USP34: variants seen among roughly 807,000 people sequenced by gnomAD.
USP34 encodes ubiquitin carboxyl-terminal hydrolase 34.
Under a neutral mutation model 460.3 loss-of-function variants are expected in USP34, and 70 were observed. The observed-to-expected ratio is 0.15, with a 90% CI of 0.13 to 0.19. The LOEUF is 0.19. USP34 is among the 10% of genes least tolerant of loss of function. USP34 has a pLI of 1.00. For synonymous variants in USP34, 1,647 were observed against 1,405.3 expected, an observed-to-expected ratio of 1.17 and a Z score of -3.85; for missense variants, 3,985 against 4,236.2, an observed-to-expected ratio of 0.94 and a Z score of 1.65.
At chr2:61,464,477 A>G (rs1450856695) in intron 1 of USP34, among the ~76,000 whole-genome samples, 1 of 152,242 alleles carries the variant, frequency 6.6e-6, no homozygotes, top group Non-Finnish European at 1.5e-5. Flanking sequence ...ACCAAATGGT[A>G]TTGGGATACA....
At chr2:61,357,294 C>A (rs926212546) in intron 10 of USP34, among the ~76,000 whole-genome samples, 1 of 152,028 alleles carries the variant, frequency 6.6e-6, no homozygotes, top group Admixed American at 6.6e-5. Context: ...GAAAACTGGA[C>A]AACGCACAAA....
intron 51 of USP34, among the ~76,000 whole-genome samples, chr2:61,243,121 C>G (rs1025883768): frequency 5.9e-5 from 9 of 151,954 alleles, no homozygotes; most frequent in African/African-American, 2.2e-4. Context: ...GCTGAGATTA[C>G]AGGCCTGAGC....
intron 76 of USP34, 28 bp downstream of exon 76, chr2:61,192,873 C>G (rs777633966): frequency 6.3e-7 from 1 of 1,589,324 alleles, no homozygotes. Context: ...AGATTAAAGA[C>G]CAATCATCTA....
intron 1 of USP34, among the ~76,000 whole-genome samples, chr2:61,438,686 A>T (rs551886402): frequency 6.6e-6 from 1 of 152,194 alleles, no homozygotes; most frequent in Admixed American, 6.5e-5. Context: ...AATAAAGGCC[A>T]TATATGACAA....
intron 75 of USP34, among the ~76,000 whole-genome samples, chr2:61,195,645 C>T (rs936152834): frequency 4.6e-5 from 7 of 152,128 alleles, no homozygotes. Flanking sequence ...GCACTCCAGC[C>T]TGGGTGACAG....
At chr2:61,287,448 C>G (rs1689723174) in intron 34 of USP34, among the ~76,000 whole-genome samples, 1 of 152,168 alleles carries the variant, frequency 6.6e-6, no homozygotes, top group Non-Finnish European at 1.5e-5. Context: ...CTGGTTAATA[C>G]AGTTGACCCT....
intron 10 of USP34, among the ~76,000 whole-genome samples, chr2:61,367,432 T>TACACC (rs1165846035): frequency 6.6e-6 from 1 of 152,162 alleles, no homozygotes; most frequent in Non-Finnish European, 1.5e-5. Context: ...ATGAGCTAAT[T>TACACC]ACACCACTGC....
chr2:61,382,853 T>C (rs1432382106), intron 6 of USP34, among the ~76,000 whole-genome samples: 1 of 152,202 alleles, frequency 6.6e-6, no homozygotes, highest in Non-Finnish European at 1.5e-5. Context: ...CTGCTATTTA[T>C]CCTATAATAC....
intron 75 of USP34, among the ~76,000 whole-genome samples, chr2:61,197,858 C>G (rs1686854100): frequency 6.6e-6 from 1 of 152,220 alleles, no homozygotes; most frequent in African/African-American, 2.4e-5. Flanking sequence ...CTCCCAGGTT[C>G]AAACGGTTCT....
Position 61,295,163 on chromosome 2 carries a change from A to T in USP34, c.4377+5T>A. ...ATTTAATGATAATAATGGAAATGCA[A>T]TTACCGTAGACTCCCTCCTTATTCT... On this transcript the variant is annotated splice_donor_5th_base_variant and intron_variant, in intron 31 of 79. Coordinates refer to ENST00000398571, the MANE Select transcript of USP34 (RefSeq NM_014709.4). 6.2e-7 allele frequency: 1 copy of T among 1,605,272 alleles called. No homozygotes were observed. Among genetic ancestry groups the T allele is most frequent in the Non-Finnish European group, 8.5e-7 (1 of 1,177,658 alleles).
At chr2:61,413,044 A>G (rs563840181) in intron 2 of USP34, among the ~76,000 whole-genome samples, 11 of 152,180 alleles carry the variant, frequency 7.2e-5, no homozygotes, top group Non-Finnish European at 1.2e-4. Flanking sequence ...AAAACAGACA[A>G]AATTTCTGAA....
intron 2 of USP34, among the ~76,000 whole-genome samples, chr2:61,418,385 T>C (rs374102386): frequency 1.1e-3 from 166 of 152,296 alleles, no homozygotes; most frequent in African/African-American, 3.9e-3. Context: ...TGGCCTACCA[T>C]ACTATTTTTG....
chr2:61,198,486 T>C (rs777589), intron 75 of USP34, among the ~76,000 whole-genome samples: 96,493 of 151,758 alleles, frequency 0.64, 30,659 homozygotes, highest in Middle Eastern at 0.71. Flanking sequence ...TCTTGACTAG[T>C]ACTCCATTAT....
chr2:61,461,024 T>A (rs1368571866), intron 1 of USP34, among the ~76,000 whole-genome samples: 1 of 151,588 alleles, frequency 6.6e-6, no homozygotes, highest in Non-Finnish European at 1.5e-5. Context: ...GTGAGCTTTT[T>A]GTTGTTGTTG....
intron 68 of USP34, among the ~76,000 whole-genome samples, chr2:61,212,751 C>A (rs1687304690): frequency 6.6e-6 from 1 of 152,042 alleles, no homozygotes; most frequent in East Asian, 1.9e-4. Flanking sequence ...CAATAAAAGA[C>A]ATTACATTTC....
At position 61,265,377 on chromosome 2, in the gene USP34, T is replaced by TA; in HGVS notation, c.5778+19dup. On this transcript the variant is annotated intron_variant, in intron 43 of 79. Coordinates refer to ENST00000398571, the MANE Select transcript of USP34 (RefSeq NM_014709.4). ...AAATCTGGTTTATAATTTTGATTTT[T>TA]AAAGTGAGGAAAATTCTACCTTGGC... 6.3e-7 allele frequency: 1 copy of TA among 1,592,342 alleles called. No homozygotes were observed. The highest frequency in any genetic ancestry group is 8.5e-7 in the Non-Finnish European group (1 of 1,173,642).
chr2:61,194,424 A>G (rs1316478024), intron 75 of USP34, among the ~76,000 whole-genome samples: 1 of 152,226 alleles, frequency 6.6e-6, no homozygotes, highest in Non-Finnish European at 1.5e-5. Context: ...AAGTAGAGGA[A>G]GGGTTAGCAA....
At chr2:61,457,568 C>T (rs1233961762) in intron 1 of USP34, among the ~76,000 whole-genome samples, 1 of 152,148 alleles carries the variant, frequency 6.6e-6, no homozygotes, top group Non-Finnish European at 1.5e-5. Context: ...ACTAATATCA[C>T]GAACTAGTAA....
chr2:61,252,032 A>G, intron 48 of USP34, among the ~76,000 whole-genome samples: 1 of 151,998 alleles, frequency 6.6e-6, no homozygotes, highest in East Asian at 1.9e-4. Context: ...CTATGTCGAG[A>G]TAAGAAAAAT....
Sources: gnomAD v4.1 joint callset for allele counts (sites outside exome capture counted in the v4.1 genomes callset) on GRCh38, gnomAD v4.1.1 for gene constraint, MANE v1.5 for transcripts, NCBI Gene and HGNC (gene_info 2026-07-23, HGNC 2026-07-21) for gene names.